CLCN7: variants seen among roughly 807,000 people sequenced by gnomAD.
The protein encoded by CLCN7 is Cl-/H+ antiporter 7, also known as H(+)/Cl(-) exchange transporter 7.
CLCN7 carries 60 observed loss-of-function variants against 102.1 expected under a neutral mutation model. The ratio of observed to expected loss-of-function variants is 0.59; its 90% CI spans 0.48 to 0.73. The LOEUF is 0.73. Ranked by LOEUF, CLCN7 falls within the 30% of genes least tolerant of loss-of-function variation. The probability of loss-of-function intolerance (pLI) is 0.00; values close to 1 mark genes in which losing one functional copy is unlikely to be tolerated. For synonymous variants in CLCN7, 560 were observed against 490.5 expected (o/e 1.14, Z -1.87); for missense variants, 962 against 1,125.7 (o/e 0.85, Z 2.08).
At chr16:1,451,974 G>A in intron 15 of CLCN7, 1 of 479,232 alleles carries the variant, frequency 2.1e-6, no homozygotes, top group South Asian at 2.0e-5. Flanking sequence ...AGCCCTGGGG[G>A]GTGGGTTAGC....
Position 1,455,309 on chromosome 16 carries a change from C to T in CLCN7, c.982-59G>A, listed in dbSNP as rs936669503. On this transcript the variant is annotated intron_variant, in intron 11 of 24. Coordinates refer to ENST00000382745, the MANE Select transcript of CLCN7 (RefSeq NM_001287.6). ...AGCCACGCTCCCAGCCCAGGGCTCA[C>T]GGACCAGCAGGGACCATCGCCCCTC... 5.4e-5 allele frequency: 60 copies of T among 1,106,612 alleles called. No individual in the cohort carries two copies. In the Admixed American group the frequency reaches 7.6e-4, roughly 14 times the overall value. The allele number at this position is 1,106,612 out of a possible 1,614,324, so 68.5% of individuals were successfully genotyped here.
intron 1 of CLCN7, among the ~76,000 whole-genome samples, chr16:1,471,411 G>A (rs1475066023): frequency 6.6e-6 from 1 of 152,184 alleles, no homozygotes; most frequent in Non-Finnish European, 1.5e-5. Context: ...TGGAGGCCTT[G>A]AACCCAAGGG....
intron 1 of CLCN7, chr16:1,467,655 C>T (rs1238467411): frequency 6.6e-6 from 1 of 152,388 alleles, no homozygotes; most frequent in African/African-American, 2.4e-5. Flanking sequence ...GAGGAAGGAC[C>T]CCACGTCCAA....
At chr16:1,455,305 C>T in intron 11 of CLCN7, 55 bp from the exon 12 acceptor site, 1 of 1,132,844 alleles carries the variant, frequency 8.8e-7, no homozygotes, top group Non-Finnish European at 1.3e-6. Flanking sequence ...CAGCCCAGGG[C>T]TCACGGACCA....
Position 1,457,159 on chromosome 16 carries a change from G to A in CLCN7, c.822+95C>T, listed in dbSNP as rs533907695. 58 of 1,190,444 alleles carry A rather than the reference G, an allele frequency of 4.9e-5. No homozygotes were observed. In the East Asian group the frequency reaches 1.1e-3, roughly 22 times the overall value. 73.7% of individuals were successfully genotyped at this position (1,190,444 alleles called of 1,614,324 possible). On this transcript the variant is annotated intron_variant, in intron 9 of 24. Coordinates refer to ENST00000382745, the MANE Select transcript of CLCN7 (RefSeq NM_001287.6). This position sits in a 1 kb window ranked among gnomAD's most constrained non-coding sequence, Gnocchi z 5.4. The stretch of plus-strand genomic sequence containing the variant: ...GTCCTCAGATGGGGCTGGGGCTCTC[G>A]GCCTGGGGGTGCTGAGGGAAGCCCA...
chr16:1,465,194 C>A lies in CLCN7; in HGVS notation c.213+73G>T, dbSNP rs555099692. 3.4e-6 allele frequency: 5 copies of A among 1,453,226 alleles called. No homozygotes were observed. The South Asian group carries it at 4.6e-5, about 13-fold the overall frequency. The allele number at this position is 1,453,226 out of a possible 1,614,324, so 90.0% of individuals were successfully genotyped here. A position where few individuals can be genotyped will look rare whatever the true frequency, so the allele number is the denominator to read the frequency against. On this transcript the variant is annotated intron_variant, in intron 2 of 24. Transcript: ENST00000382745. ...CCCACTATCTCCCTGCCGCTCGGCC[C>A]GTGCCCATCCCTGTCACCCTCTGCT...
intron 1 of CLCN7, among the ~76,000 whole-genome samples, chr16:1,469,984 C>A (rs151195335): frequency 6.6e-6 from 1 of 152,248 alleles, no homozygotes; most frequent in African/African-American, 2.4e-5. Flanking sequence ...CAGGTCCACT[C>A]GCAAGAGGGC....
chr16:1,460,300 C>T, intron 6 of CLCN7, 118 bp downstream of exon 6: 1 of 768,588 alleles, frequency 1.3e-6, no homozygotes, highest in African/African-American at 1.7e-5. Context: ...TCTAAAAGTG[C>T]CCGGGTTGTC....
chr16:1,473,563 C>T (rs1024990017), intron 1 of CLCN7, among the ~76,000 whole-genome samples: 1 of 150,400 alleles, frequency 6.6e-6, no homozygotes, highest in Non-Finnish European at 1.5e-5. Context: ...TTAGTAGAGA[C>T]GGGGTTTCAC....
chr16:1,467,439 C>T (rs2039020269), intron 1 of CLCN7, among the ~76,000 whole-genome samples: 2 of 152,166 alleles, frequency 1.3e-5, no homozygotes, highest in South Asian at 2.1e-4. Flanking sequence ...GAAGGTGCCA[C>T]GGTCCAGGCA....
chr16:1,450,477 T>TC lies in CLCN7; in HGVS notation c.1617+19dup, dbSNP rs777700607. On this transcript the variant is annotated intron_variant, in intron 17 of 24. Transcript: ENST00000382745. ...GGCTCAGCTGCAGGGCCCCACAGCCTCCCCTCCGGCCCCACTCACCGCCGC... is the reference window on the plus strand; with the variant it reads ...GGCTCAGCTGCAGGGCCCCACAGCCTCCCCCTCCGGCCCCACTCACCGCCGC... 6.0e-5 allele frequency: 95 copies of TC among 1,579,732 alleles called. No individual in the cohort carries two copies. In the East Asian group the frequency reaches 2.2e-3, roughly 36 times the overall value.
Position 1,446,017 on chromosome 16 carries a change from C to T in CLCN7, c.*614G>A, listed in dbSNP as rs886051694. 1.3e-5 allele frequency: 7 copies of T among 534,834 alleles called. No individual in the cohort carries two copies. In the Admixed American group the frequency reaches 1.7e-4, roughly 13 times the overall value. 33.1% of individuals were successfully genotyped at this position (534,834 alleles called of 1,614,324 possible). A position where few individuals can be genotyped will look rare whatever the true frequency, so the allele number is the denominator to read the frequency against. On this transcript the variant is annotated 3_prime_UTR_variant, in exon 25 of 25. Coordinates refer to ENST00000382745, the MANE Select transcript of CLCN7 (RefSeq NM_001287.6). ...GTCCTCTGGGCCTGTGTACCCAAGC[C>T]GGATGCAGGCCGGGGAGTGCACGTG...
intron 1 of CLCN7, among the ~76,000 whole-genome samples, chr16:1,468,772 C>T (rs925407846): frequency 6.6e-6 from 1 of 152,094 alleles, no homozygotes; most frequent in African/African-American, 2.4e-5. Context: ...CGCATTGCAC[C>T]GACACTCTCT....
Position 1,450,456 on chromosome 16 carries a change from C to T in CLCN7, c.1617+41G>A, listed in dbSNP as rs758168450. On this transcript the variant is annotated intron_variant, in intron 17 of 24. Coordinates refer to ENST00000382745, the MANE Select transcript of CLCN7 (RefSeq NM_001287.6). ...GCCCGCGATGCCGCAAGACCTGGCT[C>T]AGCTGCAGGGCCCCACAGCCTCCCC... 23 of 1,550,314 alleles carry T rather than the reference C, an allele frequency of 1.5e-5. No individual in the cohort carries two copies. The South Asian group carries it at 2.6e-4, about 17-fold the overall frequency.
chr16:1,471,188 C>T (rs2039072968), intron 1 of CLCN7, among the ~76,000 whole-genome samples: 1 of 152,136 alleles, frequency 6.6e-6, no homozygotes, highest in Admixed American at 6.5e-5. Context: ...CTCCAACAAG[C>T]CACTCCACAG....
intron 20 of CLCN7, 92 bp downstream of exon 20, chr16:1,448,589 C>T: frequency 6.2e-7 from 1 of 1,600,442 alleles, no homozygotes; most frequent in Non-Finnish European, 8.5e-7. Context: ...AAACGCGGGG[C>T]TGCCTGGAGC....
At chr16:1,463,622 C>T (rs376603046) in intron 2 of CLCN7, among the ~76,000 whole-genome samples, 2 of 152,086 alleles carry the variant, frequency 1.3e-5, no homozygotes, top group African/African-American at 2.4e-5. Flanking sequence ...CACAGGCGCA[C>T]ACCACCACAC....
chr16:1,474,725 G>T lies in CLCN7; in HGVS notation c.141+109C>A, dbSNP rs1375207057. 7 of 1,002,028 alleles carry T rather than the reference G, an allele frequency of 7.0e-6. No individual in the cohort carries two copies. The African/African-American group carries it at 8.6e-5, about 12-fold the overall frequency. 62.1% of individuals were successfully genotyped at this position (1,002,028 alleles called of 1,614,324 possible). ...CGCGTTCCCGAGTCCACCGCGCCTC[G>T]GTCGCCTCCAGGACCGAGACACGCG... is the stretch of plus-strand genomic sequence containing the variant. On this transcript the variant is annotated intron_variant, in intron 1 of 24. Transcript: ENST00000382745.
At position 1,447,045 on chromosome 16, in the gene CLCN7, C is replaced by G; in HGVS notation, c.2292G>C (p.Leu764=). ...CCACCACCACCAGGTGCCGCAGGCC[C>G]AGGGCCCGGAACAGCTTGAACACCC... ...LPRVFKLFRA[L]GLRHLVVVDN... The change falls in exon 24 of 25, where the codon CTG becomes CTC. Residue 764 remains leucine, a synonymous_variant. Transcript: ENST00000382745. 1 of 1,602,796 alleles carries G rather than the reference C, an allele frequency of 6.2e-7. No individual in the cohort carries two copies. The highest frequency in any genetic ancestry group is 8.5e-7 in the Non-Finnish European group (1 of 1,178,204).
Sources: gnomAD v4.1 joint callset for allele counts (sites outside exome capture counted in the v4.1 genomes callset) on GRCh38, gnomAD v4.1.1 for gene constraint, Gnocchi (gnomAD v3.1) non-coding constraint, MANE v1.5 for transcripts, NCBI Gene and HGNC (gene_info 2026-07-23, HGNC 2026-07-21) for gene names.